Variants in CAMTA1 observed in about 807,000 individuals in gnomAD.
The protein encoded by CAMTA1 is calmodulin-binding transcription activator 1.
Under a neutral mutation model 170.9 loss-of-function variants are expected in CAMTA1, and 27 were observed. The ratio of observed to expected loss-of-function variants is 0.16; its 90% CI spans 0.12 to 0.22. CAMTA1 has a LOEUF of 0.22. Among genes scored for constraint, CAMTA1 ranks in the 10% least tolerant of loss-of-function variants. CAMTA1 has a pLI of 1.00. For missense variants in CAMTA1, 1,619 were observed against 2,217.2 expected, an observed-to-expected ratio of 0.73 and a Z score of 5.42; for synonymous variants, 833 against 891.5, an observed-to-expected ratio of 0.93 and a Z score of 1.17.
rs934923358 is a variant in CAMTA1, at chr1:6,965,261, T to C, written c.235-126043T>C. 7.2e-5 allele frequency among the ~76,000 whole-genome samples: 11 copies of C among 151,830 alleles called. No individual in the cohort carries two copies. The highest frequency in any genetic ancestry group is 2.9e-5 in the Non-Finnish European group (2 of 67,930). On this transcript the variant is annotated intron_variant, in intron 3 of 22. Transcript: ENST00000303635. The surrounding 1 kb of genome is among the most constrained non-coding windows in gnomAD (Gnocchi z 4.1). ...TGTGTGCATGTGTGTGGGCACGTGCTCCTGGGGGCATGCACATGTTTAAGT... is the reference window on the plus strand; with the variant it reads ...TGTGTGCATGTGTGTGGGCACGTGCCCCTGGGGGCATGCACATGTTTAAGT...
At chr1:7,454,865 C>T (rs1002094240) in intron 5 of CAMTA1, among the ~76,000 whole-genome samples, 3 of 152,154 alleles carry the variant, frequency 2.0e-5, no homozygotes, top group Non-Finnish European at 2.9e-5. Context: ...GATCCCAGAG[C>T]GCTCACAGTG....
intron 4 of CAMTA1, among the ~76,000 whole-genome samples, chr1:7,163,318 G>T (rs56019349): frequency 1.4e-4 from 16 of 115,182 alleles, no homozygotes; most frequent in African/African-American, 5.2e-4. Flanking sequence ...TCACTGGATG[G>T]GGGGAGACCA....
Position 7,067,282 on chromosome 1 carries a change from T to C in CAMTA1, c.235-24022T>C, listed in dbSNP as rs1454807496. On this transcript the variant is annotated intron_variant, in intron 3 of 22. Transcript: ENST00000303635. The surrounding 1 kb of genome is among the most constrained non-coding windows in gnomAD (Gnocchi z 4.3). ...CCGGGGCTGGGAAGTTCCTGTCCCT[T>C]GTACTCAGGGTCTCTCTTCCCTGGA... is the stretch of plus-strand genomic sequence containing the variant. Among the ~76,000 whole-genome samples, 1 of 152,198 alleles carries C rather than the reference T, an allele frequency of 6.6e-6. No homozygotes were observed. Among genetic ancestry groups the C allele is most frequent in the East Asian group, 1.9e-4 (1 of 5,196 alleles).
chr1:7,747,569 A>T (rs1266318671), intron 18 of CAMTA1, 141 bp from the exon 19 acceptor site: 2 of 558,432 alleles, frequency 3.6e-6, no homozygotes, highest in Admixed American at 3.5e-5. Context: ...ATTTTTCCTC[A>T]TTTATAATTA....
chr1:6,961,235 T>G (rs1243058892), intron 3 of CAMTA1, among the ~76,000 whole-genome samples: 2 of 152,198 alleles, frequency 1.3e-5, no homozygotes. Flanking sequence ...CTAGCTAAAT[T>G]AAGCTAAACA....
At chr1:7,722,454 C>T (rs765360596) in intron 11 of CAMTA1, among the ~76,000 whole-genome samples, 21 of 137,298 alleles carry the variant, frequency 1.5e-4, no homozygotes, top group Non-Finnish European at 3.4e-4. Flanking sequence ...CCCAACTAAC[C>T]ATTCCTTGAC....
chr1:7,141,691 T>C (rs1645899660), intron 4 of CAMTA1, among the ~76,000 whole-genome samples: 1 of 152,240 alleles, frequency 6.6e-6, no homozygotes, highest in South Asian at 2.1e-4. Flanking sequence ...CAGCAAGTGC[T>C]GGGTAAATAT....
chr1:7,139,226 ATAAAT>A (rs1385481232), intron 4 of CAMTA1, among the ~76,000 whole-genome samples: 1 of 143,534 alleles, frequency 7.0e-6, no homozygotes, highest in Non-Finnish European at 1.5e-5. Flanking sequence ...TATTCATAAT[ATAAAT>A]ATATATTTAT....
intron 1 of CAMTA1, among the ~76,000 whole-genome samples, chr1:6,801,529 TAAA>T (rs1394484652): frequency 1.3e-5 from 2 of 152,036 alleles, no homozygotes; most frequent in Non-Finnish European, 2.9e-5. Flanking sequence ...TTAATAAAAA[TAAA>T]AAAGTCATGA....
intron 5 of CAMTA1, among the ~76,000 whole-genome samples, chr1:7,358,084 C>T (rs571363467): frequency 2.5e-4 from 38 of 152,250 alleles, no homozygotes; most frequent in Non-Finnish European, 4.6e-4. Flanking sequence ...GGAATGGACA[C>T]GGAGAACAGC....
At chr1:7,542,283 T>G (rs187776414) in intron 6 of CAMTA1, among the ~76,000 whole-genome samples, 58 of 152,232 alleles carry the variant, frequency 3.8e-4, no homozygotes, top group Admixed American at 9.2e-4. Context: ...TGTTGTTGTT[T>G]TTTGCTATAC....
At chr1:7,038,682 T>C (rs1456797104) in intron 3 of CAMTA1, among the ~76,000 whole-genome samples, 1 of 152,234 alleles carries the variant, frequency 6.6e-6, no homozygotes. Context: ...GTTCACAGTT[T>C]GTTCATATTT....
chr1:7,750,607 C>G (rs1390476782), intron 19 of CAMTA1, among the ~76,000 whole-genome samples: 1 of 152,244 alleles, frequency 6.6e-6, no homozygotes, highest in African/African-American at 2.4e-5. Context: ...TCTGTGACAG[C>G]CGTCCAGGTT....
chr1:7,634,066 T>G lies in CAMTA1; in HGVS notation c.511-6334T>G, dbSNP rs978027720. On this transcript the variant is annotated intron_variant, in intron 6 of 22. Transcript: ENST00000303635. This position sits in a 1 kb window ranked among gnomAD's most constrained non-coding sequence, Gnocchi z 6.2. ...CCGGCCTGGAACCGTGGCAGGAGTG[T>G]GGGCCTGATCTCAGTGCCAAGGAGC... Among the ~76,000 whole-genome samples, 1 of 151,984 alleles carries G rather than the reference T, an allele frequency of 6.6e-6. No homozygotes were observed. Among genetic ancestry groups the G allele is most frequent in the African/African-American group, 2.4e-5 (1 of 41,354 alleles).
intron 5 of CAMTA1, among the ~76,000 whole-genome samples, chr1:7,398,189 CTCTCTATATATATATATATATATATA>C (rs1206862848): frequency 3.1e-4 from 10 of 32,320 alleles, no homozygotes; most frequent in South Asian, 1.2e-3. Context: ...CTCTCTCTCT[CTCTCTATATATATATATATATATATA>C]TATATATATA....
chr1:7,175,671 G>C (rs1159252121), intron 4 of CAMTA1, among the ~76,000 whole-genome samples: 1 of 152,252 alleles, frequency 6.6e-6, no homozygotes, highest in African/African-American at 2.4e-5. Flanking sequence ...TTGAAGCGGG[G>C]TATCCCCTGG....
intron 5 of CAMTA1, among the ~76,000 whole-genome samples, chr1:7,335,900 C>T (rs1428857763): frequency 6.6e-6 from 1 of 152,142 alleles, no homozygotes; most frequent in Non-Finnish European, 1.5e-5. Context: ...GGAAGAGAGC[C>T]TGTAAGGCAG....
At chr1:7,432,401 G>A (rs948226022) in intron 5 of CAMTA1, among the ~76,000 whole-genome samples, 2 of 152,306 alleles carry the variant, frequency 1.3e-5, no homozygotes, top group African/African-American at 4.8e-5. Flanking sequence ...CCTTTCTGTG[G>A]GTGTTTAACA....
intron 4 of CAMTA1, among the ~76,000 whole-genome samples, chr1:7,154,934 A>G (rs569466466): frequency 6.6e-6 from 1 of 152,318 alleles, no homozygotes; most frequent in Non-Finnish European, 1.5e-5. Context: ...GGGTGCCAGC[A>G]TGGAGCCTGC....
Sources: gnomAD v4.1 joint callset for allele counts (sites outside exome capture counted in the v4.1 genomes callset) on GRCh38, gnomAD v4.1.1 for gene constraint, Gnocchi (gnomAD v3.1) non-coding constraint, MANE v1.5 for transcripts, NCBI Gene and HGNC (gene_info 2026-07-23, HGNC 2026-07-21) for gene names.